The following PRKAG2 variants were observed in gnomAD, a reference collection of about 807,000 sequenced individuals.
The protein encoded by PRKAG2 is protein kinase AMP-activated non-catalytic subunit gamma 2, also known as 5'-AMP-activated protein kinase subunit gamma-2.
A neutral mutation model predicts 69.6 loss-of-function variants in PRKAG2; 26 were observed. The ratio of observed to expected loss-of-function variants is 0.37; its 90% confidence interval spans 0.27 to 0.52. The LOEUF is 0.52. Among genes scored for constraint, PRKAG2 ranks in the 20% least tolerant of loss-of-function variants. PRKAG2 has a pLI of 0.90. For missense variants in PRKAG2, 557 were observed against 740.0 expected (o/e 0.75, Z 2.87); for synonymous variants, 293 against 285.0 (o/e 1.03, Z -0.28).
chr7:151,726,050 G>A (rs1586090909), intron 3 of PRKAG2, among the ~76,000 whole-genome samples: 1 of 152,258 alleles, frequency 6.6e-6, no homozygotes, highest in East Asian at 1.9e-4. Flanking sequence ...TGAGCCCGAG[G>A]AAGCAGGCAG....
intron 5 of PRKAG2, among the ~76,000 whole-genome samples, chr7:151,607,788 A>G (rs962630636): frequency 6.6e-6 from 1 of 152,128 alleles, no homozygotes; most frequent in East Asian, 1.9e-4. Context: ...TGCACACACT[A>G]TTCTTTCTTC....
Position 151,729,874 on chromosome 7 carries a change from C to T in PRKAG2, c.466+51278G>A, listed in dbSNP as rs552240892. Among the ~76,000 whole-genome samples, 9 of 152,360 alleles carry T rather than the reference C, an allele frequency of 5.9e-5. No individual in the cohort carries two copies. In the South Asian group the frequency reaches 1.9e-3, roughly 32 times the overall value. On this transcript the variant is annotated intron_variant, in intron 3 of 15. Transcript: ENST00000287878. Reference sequence around the variant, plus strand: ...CCCTCGCCCTGCCTCCACGGCATCACCACCACCTGACCTGGTGATGAAAAT... The same window carrying T: ...CCCTCGCCCTGCCTCCACGGCATCATCACCACCTGACCTGGTGATGAAAAT...
intron 4 of PRKAG2, among the ~76,000 whole-genome samples, chr7:151,637,563 A>C (rs1029575261): frequency 6.6e-6 from 1 of 152,224 alleles, no homozygotes; most frequent in African/African-American, 2.4e-5. Context: ...ATGGGTGTAC[A>C]GGAGTAGCCT....
At chr7:151,749,581 G>A (rs1458256764) in intron 3 of PRKAG2, among the ~76,000 whole-genome samples, 1 of 152,128 alleles carries the variant, frequency 6.6e-6, no homozygotes, top group Non-Finnish European at 1.5e-5. Flanking sequence ...TAAGTGTCTA[G>A]TATCCAGAAT....
intron 3 of PRKAG2, among the ~76,000 whole-genome samples, chr7:151,689,085 C>T (rs1835223921): frequency 6.6e-6 from 1 of 152,218 alleles, no homozygotes; most frequent in South Asian, 2.1e-4. Flanking sequence ...CTCGCTGGGA[C>T]CCTGTCACAC....
intron 5 of PRKAG2, among the ~76,000 whole-genome samples, chr7:151,600,904 G>A (rs1815893233): frequency 6.6e-6 from 1 of 152,184 alleles, no homozygotes; most frequent in Non-Finnish European, 1.5e-5. Flanking sequence ...ACAACCTCGA[G>A]GAATACAGCT....
At chr7:151,795,675 G>A (rs1189299562) in intron 1 of PRKAG2, among the ~76,000 whole-genome samples, 1 of 151,914 alleles carries the variant, frequency 6.6e-6, no homozygotes, top group Non-Finnish European at 1.5e-5. Context: ...ATGTGGGTGG[G>A]CCTCCCCCAA....
intron 11 of PRKAG2, among the ~76,000 whole-genome samples, chr7:151,568,493 A>G (rs1401658283): frequency 6.6e-6 from 1 of 152,206 alleles, no homozygotes; most frequent in African/African-American, 2.4e-5. Context: ...TTTGTTGTTA[A>G]AATTGTTTTG....
Position 151,823,176 on chromosome 7 carries a change from T to C in PRKAG2, c.115-36635A>G, listed in dbSNP as rs532650666. ...AGCACAGCCGCCTGGGGACACTCTCTATGAAGCTCAGGAAGAACAGGAAAA... is the reference window on the plus strand; with the variant it reads ...AGCACAGCCGCCTGGGGACACTCTCCATGAAGCTCAGGAAGAACAGGAAAA... On this transcript the variant is annotated intron_variant, in intron 1 of 15. Transcript: ENST00000287878. 2.8e-3 allele frequency among the ~76,000 whole-genome samples: 424 copies of C among 152,128 alleles called. 3 individuals carry two copies. Among genetic ancestry groups the C allele is most frequent in the African/African-American group, 9.7e-3 (404 of 41,516 alleles).
At chr7:151,851,542 G>A (rs992624993) in intron 1 of PRKAG2, among the ~76,000 whole-genome samples, 2 of 152,148 alleles carry the variant, frequency 1.3e-5, no homozygotes, top group Non-Finnish European at 2.9e-5. Flanking sequence ...AGTTGGCCAC[G>A]CACGTCTCTC....
rs747597463 is a variant in PRKAG2, at chr7:151,614,708, C to T, written c.754+17361G>A. Among the ~76,000 whole-genome samples, 4 of 152,220 alleles carry T rather than the reference C, an allele frequency of 2.6e-5. No individual in the cohort carries two copies. Among genetic ancestry groups the T allele is most frequent in the African/African-American group, 4.8e-5 (2 of 41,456 alleles). ...CCCTAAGCCCACTTTGCCAGGACCG[C>T]TCCAGTTCAGCACCATGGAATGGGA... On this transcript the variant is annotated intron_variant, in intron 5 of 15. Coordinates refer to ENST00000287878, the MANE Select transcript of PRKAG2 (RefSeq NM_016203.4). The surrounding 1 kb of genome is among the most constrained non-coding windows in gnomAD (Gnocchi z 4.4).
chr7:151,651,823 C>A (rs1478027813), intron 4 of PRKAG2, among the ~76,000 whole-genome samples: 1 of 152,002 alleles, frequency 6.6e-6, no homozygotes. Flanking sequence ...ACAAGTACTG[C>A]ATGAGCTCAC....
intron 1 of PRKAG2, among the ~76,000 whole-genome samples, chr7:151,846,668 A>G: frequency 6.6e-6 from 1 of 152,138 alleles, no homozygotes; most frequent in East Asian, 1.9e-4. Context: ...GTAGGTGTGT[A>G]TGCGTGTGCA....
intron 1 of PRKAG2, among the ~76,000 whole-genome samples, chr7:151,823,671 C>T (rs1480035709): frequency 6.6e-6 from 1 of 152,044 alleles, no homozygotes; most frequent in African/African-American, 2.4e-5. Context: ...GAGATGACAC[C>T]CTCCATCTGT....
chr7:151,561,023 T>C (rs1392707345), intron 14 of PRKAG2, among the ~76,000 whole-genome samples: 1 of 152,188 alleles, frequency 6.6e-6, no homozygotes, highest in Non-Finnish European at 1.5e-5. Context: ...TTCAATGTGT[T>C]ACTGTCTGAT....
chr7:151,861,837 A>G (rs1478560650), intron 1 of PRKAG2, among the ~76,000 whole-genome samples: 2 of 152,040 alleles, frequency 1.3e-5, no homozygotes, highest in Non-Finnish European at 2.9e-5. Context: ...CACAGGGGGC[A>G]ATCATTGACA....
At chr7:151,730,361 T>C (rs1798732407) in intron 3 of PRKAG2, among the ~76,000 whole-genome samples, 1 of 152,186 alleles carries the variant, frequency 6.6e-6, no homozygotes, top group Admixed American at 6.5e-5. Flanking sequence ...TTCTCCCTAC[T>C]TCTGTATTCT....
intron 2 of PRKAG2, among the ~76,000 whole-genome samples, chr7:151,782,343 G>GGAAGAAGGAA (rs1563662982): frequency 3.8e-5 from 1 of 26,004 alleles, no homozygotes; most frequent in African/African-American, 1.6e-4. Context: ...GAAGGAAGGA[G>GGAAGAAGGAA]GGAGGGAGGG....
At chr7:151,565,251 T>C (rs1478197416) in intron 13 of PRKAG2, 95 bp downstream of exon 13, 4 of 1,041,860 alleles carry the variant, frequency 3.8e-6, no homozygotes, top group Non-Finnish European at 5.4e-6. Context: ...TTAGAAATTA[T>C]TAAATTAAGA....
Sources: allele counts gnomAD v4.1 joint callset (sites outside exome capture counted in the v4.1 genomes callset), GRCh38; gene constraint gnomAD v4.1.1; non-coding constraint Gnocchi (gnomAD v3.1); transcripts MANE v1.5; gene names NCBI Gene and HGNC (gene_info 2026-07-23, HGNC 2026-07-21).